P3H1: variants seen among roughly 807,000 people sequenced by gnomAD.
P3H1 encodes growth suppressor 1.
Under a neutral mutation model 84.0 loss-of-function variants are expected in P3H1, and 69 were observed. The ratio of observed to expected loss-of-function variants is 0.82; its 90% CI spans 0.68 to 1.00. The LOEUF is 1.00. Ranked by LOEUF, P3H1 falls within the 50% of genes least tolerant of loss-of-function variation. The pLI is 0.00. For synonymous variants in P3H1, 366 were observed against 388.8 expected (o/e 0.94, Z 0.69); for missense variants, 878 against 962.8 (o/e 0.91, Z 1.17).
intron 1 of P3H1, among the ~76,000 whole-genome samples, chr1:42,763,347 C>T (rs913864360): frequency 2.4e-4 from 37 of 151,932 alleles, no homozygotes; most frequent in African/African-American, 8.7e-4. Flanking sequence ...AAGCTCAGGG[C>T]TCATGAGGTT....
Position 42,766,750 on chromosome 1 carries a change from G to A in P3H1, c.222C>T (p.Arg74=). 6.3e-7 allele frequency: 1 copy of A among 1,584,462 alleles called. No homozygotes were observed. Residue 74 remains arginine, a synonymous_variant, in exon 1 of 15, where the codon CGC becomes CGT. Transcript: ENST00000296388. ...AGTCGGCGGCACACTGGGTGCGGCAGCGCAGGCGAAGGGCGCGGAGGGCTG... is the reference window on the plus strand; with the variant it reads ...AGTCGGCGGCACACTGGGTGCGGCAACGCAGGCGAAGGGCGCGGAGGGCTG... The part of the protein sequence containing the change: ...SRAALRALRL[R]CRTQCAADFP...
At chr1:42,755,444 C>G (rs1652344059) in intron 6 of P3H1, 104 bp downstream of exon 6, 1 of 1,124,370 alleles carries the variant, frequency 8.9e-7, no homozygotes, top group African/African-American at 1.5e-5. Flanking sequence ...GGCTCAGCCT[C>G]CAGCAAGTTT....
chr1:42,754,109 G>A lies in P3H1; in HGVS notation c.1345+760C>T, dbSNP rs776412218. Reference sequence around the variant, plus strand: ...TAAACAGGACAAGAGTAGAACATTCGGTTAAGGGGCAGGCACGGAGGATGG... The same window carrying A: ...TAAACAGGACAAGAGTAGAACATTCAGTTAAGGGGCAGGCACGGAGGATGG... On this transcript the variant is annotated intron_variant, in intron 8 of 14. Coordinates refer to ENST00000296388, the MANE Select transcript of P3H1 (RefSeq NM_022356.4). The surrounding 1 kb of genome is among the most constrained non-coding windows in gnomAD (Gnocchi z 4.0). Among the ~76,000 whole-genome samples, 5 of 152,140 alleles carry A rather than the reference G, an allele frequency of 3.3e-5. No homozygotes were observed. Among genetic ancestry groups the A allele is most frequent in the East Asian group, 1.9e-4 (1 of 5,194 alleles).
At chr1:42,757,157 A>G (rs548860840) in intron 5 of P3H1, among the ~76,000 whole-genome samples, 11 of 152,314 alleles carry the variant, frequency 7.2e-5, no homozygotes, top group African/African-American at 2.6e-4. Context: ...GATGGTCACC[A>G]TCTAGTGGCT....
intron 12 of P3H1, 41 bp from the exon 13 acceptor site, chr1:42,747,839 C>A: frequency 6.3e-7 from 1 of 1,586,788 alleles, no homozygotes; most frequent in Non-Finnish European, 8.7e-7. Flanking sequence ...CCTTCCCTGC[C>A]TCCCTTTCCC....
intron 12 of P3H1, 97 bp from the exon 13 acceptor site, chr1:42,747,895 G>C (rs190487712): frequency 8.4e-7 from 1 of 1,185,034 alleles, no homozygotes; most frequent in Non-Finnish European, 1.3e-6. Context: ...CAGGAGGGTG[G>C]CTTTGTGTGG....
At chr1:42,764,659 T>A (rs546781247) in intron 1 of P3H1, among the ~76,000 whole-genome samples, 1 of 152,266 alleles carries the variant, frequency 6.6e-6, no homozygotes, top group African/African-American at 2.4e-5. Context: ...ACAGATTAAG[T>A]GCTCAATAAA....
intron 2 of P3H1, chr1:42,761,581 T>C (rs1652720059): frequency 6.6e-6 from 1 of 152,182 alleles, no homozygotes; most frequent in Admixed American, 6.5e-5. Flanking sequence ...ATGATAATAA[T>C]GTTAGTTAAA....
Position 42,746,435 on chromosome 1 carries a change from G to T in P3H1, c.*262C>A. The T allele has an allele frequency of 1.8e-6, 1 of 547,288 alleles. No homozygotes were observed. Among genetic ancestry groups the T allele is most frequent in the South Asian group, 2.4e-5 (1 of 41,772 alleles). 33.9% of individuals were successfully genotyped at this position (547,288 alleles called of 1,614,324 possible). A position where few individuals can be genotyped will look rare whatever the true frequency, so the allele number is the denominator to read the frequency against. On this transcript the variant is annotated 3_prime_UTR_variant, in exon 15 of 15. Transcript: ENST00000296388. The stretch of plus-strand genomic sequence containing the variant: ...TACACAGACACTTAAGTACTGTATC[G>T]CTGTCATGCAGCGGCCTGTGGAGGC...
In P3H1 at chr1:42,757,173, G is replaced by A. The variant is rs568105389; in HGVS notation, c.1080+610C>T. 3.9e-5 allele frequency among the ~76,000 whole-genome samples: 6 copies of A among 152,280 alleles called. No homozygotes were observed. In the East Asian group the frequency reaches 1.2e-3, roughly 29 times the overall value. On this transcript the variant is annotated intron_variant, in intron 5 of 14. Coordinates refer to ENST00000296388, the MANE Select transcript of P3H1 (RefSeq NM_022356.4). ...ATGGTCACCATCTAGTGGCTAAAGA[G>A]GACAACTACAATGACAACCCACACA... is the stretch of plus-strand genomic sequence containing the variant.
Position 42,755,164 on chromosome 1 carries a change from C to A in P3H1, c.1223+1G>T. 6.2e-7 allele frequency: 1 copy of A among 1,614,164 alleles called. No homozygotes were observed. ...CCATGCAGTTTCTTCAAGGTCCTCACTTCTGTTTCTCTTGCAATCTCTTGG... is the reference window on the plus strand; with the variant it reads ...CCATGCAGTTTCTTCAAGGTCCTCAATTCTGTTTCTCTTGCAATCTCTTGG... On this transcript the variant is annotated splice_donor_variant, in intron 7 of 14. Transcript: ENST00000296388. LOFTEE classifies it high-confidence loss of function.
chr1:42,750,404 A>G (rs1307603772), intron 10 of P3H1, 68 bp from the exon 11 acceptor site: 5 of 1,569,440 alleles, frequency 3.2e-6, no homozygotes, highest in Non-Finnish European at 4.4e-6. Flanking sequence ...TCCCTACCCA[A>G]ATCTTATCTT....
chr1:42,751,572 A>AAATAAATAAATAAAT (rs1557564514), intron 10 of P3H1: 4 of 142,024 alleles, frequency 2.8e-5, no homozygotes, highest in East Asian at 2.0e-4. Context: ...CAATAAAAAA[A>AAATAAATAAATAAAT]AAATAAATAA....
chr1:42,755,061 G>A, intron 7 of P3H1, 71 bp from the exon 8 acceptor site: 1 of 1,613,782 alleles, frequency 6.2e-7, no homozygotes, highest in Non-Finnish European at 8.5e-7. Context: ...TTCCCAAACT[G>A]GACCTGCCCA....
chr1:42,757,633 A>G, intron 5 of P3H1, 150 bp downstream of exon 5: 1 of 1,131,016 alleles, frequency 8.8e-7, no homozygotes, highest in Non-Finnish European at 1.3e-6. Context: ...CTGAATAACA[A>G]GCCGAGTGAC....
chr1:42,747,297 G>C lies in P3H1; in HGVS notation c.2030C>G (p.Thr677Ser). The change falls in exon 14 of 15, where the codon ACC (threonine) becomes AGC (serine). Residue 677 changes from threonine (T) to serine (S), a missense_variant. Physicochemically the swap from Thr to Ser is moderately conservative, Grantham distance 58 (BLOSUM62 1). Coordinates refer to ENST00000296388, the MANE Select transcript of P3H1 (RefSeq NM_022356.4). ...GQRCAIALWF[T>S]LDPRHSERDR... ...CCGCTCGCTGTGTCGAGGGTCCAGGGTGAACCACAGGGCGATGGCACAGCG... is the reference window on the plus strand; with the variant it reads ...CCGCTCGCTGTGTCGAGGGTCCAGGCTGAACCACAGGGCGATGGCACAGCG... The C allele has an allele frequency of 6.2e-7, 1 of 1,613,634 alleles. No individual in the cohort carries two copies. The highest frequency in any genetic ancestry group is 8.5e-7 in the Non-Finnish European group (1 of 1,179,676).
chr1:42,752,261 GTGT>G lies in P3H1; in HGVS notation c.1569+10_1569+12del. 6.2e-7 allele frequency: 1 copy of G among 1,601,040 alleles called. No homozygotes were observed. Among genetic ancestry groups the G allele is most frequent in the Non-Finnish European group, 8.6e-7 (1 of 1,168,222 alleles). ...CTTTCTCCACACTCTAGAATGCCCA[GTGT>G]TGATCTTACCTTGAGGGCTTTGAAG... On this transcript the variant is annotated intron_variant, in intron 10 of 14. Transcript: ENST00000296388.
intron 4 of P3H1, 122 bp from the exon 5 acceptor site, chr1:42,758,044 G>T: frequency 1.2e-6 from 1 of 864,006 alleles, no homozygotes; most frequent in Non-Finnish European, 2.0e-6. Context: ...AGCATGACAA[G>T]CTGGTGCCTG....
rs1570453990 is a variant in P3H1 at position 42,747,355 on chromosome 1, G to T, written c.1972C>A (p.Pro658Thr). 3.7e-6 allele frequency: 6 copies of T among 1,610,400 alleles called. No homozygotes were observed. The highest frequency in any genetic ancestry group is 1.7e-4 in the Middle Eastern group (1 of 6,044). Residue 658 changes from proline (P) to threonine (T), a missense_variant, in exon 14 of 15, where the codon CCA becomes ACA. By Grantham distance (38) the Pro-to-Thr change is conservative. Transcript: ENST00000296388. ...AVGFSSGTEN[P>T]HGVKAVTRGQ... ...CTGGTGACAGCCTTCACTCCATGTG[G>T]GTTTTCAGTGCCTGAAGAGAATCCC...
Sources: allele counts gnomAD v4.1 joint callset (sites outside exome capture counted in the v4.1 genomes callset), GRCh38; gene constraint gnomAD v4.1.1; non-coding constraint Gnocchi (gnomAD v3.1); transcripts MANE v1.5; gene names NCBI Gene and HGNC (gene_info 2026-07-23, HGNC 2026-07-21).